PARP9: variants seen among roughly 807,000 people sequenced by gnomAD.
PARP9 encodes the protein protein mono-ADP-ribosyltransferase PARP9.
PARP9 carries 48 observed loss-of-function variants against 68.8 expected under a neutral mutation model. The observed-to-expected ratio is 0.70, with a 90% CI of 0.55 to 0.89. The LOEUF is 0.89. PARP9 is among the 40% of genes least tolerant of loss of function. The pLI, the probability that PARP9 is intolerant of heterozygous loss-of-function variation, is 0.00. For missense variants in PARP9, 806 were observed against 969.3 expected, an observed-to-expected ratio of 0.83 and a Z score of 2.24; for synonymous variants, 309 against 333.8, an observed-to-expected ratio of 0.93 and a Z score of 0.81.
intron 10 of PARP9, chr3:122,534,499 G>T: frequency 1.1e-6 from 1 of 921,558 alleles, no homozygotes; most frequent in Non-Finnish European, 1.3e-6. Context: ...CTTTCAACAT[G>T]AGAGTTTTCA....
chr3:122,560,404 T>A (rs1371634603), intron 1 of PARP9, among the ~76,000 whole-genome samples: 1 of 151,584 alleles, frequency 6.6e-6, no homozygotes, highest in African/African-American at 2.4e-5. Context: ...GTTTTTTTGT[T>A]TTTTGAGTTG....
At chr3:122,563,551 A>C (rs2080416767) in intron 1 of PARP9, among the ~76,000 whole-genome samples, 1 of 152,172 alleles carries the variant, frequency 6.6e-6, no homozygotes, top group Non-Finnish European at 1.5e-5. Context: ...TTTAGAATGA[A>C]CCTACTGGCT....
chr3:122,536,237 G>A lies in PARP9; in HGVS notation c.2011C>T (p.Gln671Ter), dbSNP rs963491877. The A allele has an allele frequency of 3.7e-6, 6 of 1,614,040 alleles. No individual in the cohort carries two copies. The African/African-American group carries it at 8.0e-5, about 22-fold the overall frequency. The change falls in exon 10 of 11, where the codon CAA (glutamine) becomes TAA (stop). Residue 671 changes from glutamine to a stop codon, truncating the protein, a stop_gained. Transcript: ENST00000682323. LOFTEE classifies it high-confidence loss of function. ...RQPVSHRLFQ[Q>*]VPYQFCNVVC... Reference sequence around the variant, plus strand: ...ACATTGCAGAACTGGTATGGGACTTGCTGAAACAGCCTATGGCTCACAGGT... The same window carrying A: ...ACATTGCAGAACTGGTATGGGACTTACTGAAACAGCCTATGGCTCACAGGT...
chr3:122,562,482 C>G (rs563669703), intron 1 of PARP9, among the ~76,000 whole-genome samples: 2 of 151,918 alleles, frequency 1.3e-5, no homozygotes, highest in Admixed American at 1.3e-4. Flanking sequence ...CGTGAGCCAC[C>G]GCGCCCAGCC....
At chr3:122,531,510 C>G (rs1241460251) in intron 10 of PARP9, among the ~76,000 whole-genome samples, 1 of 152,206 alleles carries the variant, frequency 6.6e-6, no homozygotes, top group Admixed American at 6.5e-5. Flanking sequence ...GTAATCCCAG[C>G]ACTTCGGGAG....
chr3:122,531,979 G>A (rs963272332), intron 10 of PARP9: 1 of 247,710 alleles, frequency 4.0e-6, no homozygotes. Context: ...CCACTCCCTT[G>A]AGAGCCCTGG....
Position 122,536,226 on chromosome 3 carries a change from G to A in PARP9, c.2022C>T (p.Tyr674=). The A allele has an allele frequency of 6.2e-7, 1 of 1,614,172 alleles. No homozygotes were observed. The highest frequency in any genetic ancestry group is 8.5e-7 in the Non-Finnish European group (1 of 1,180,026). The change falls in exon 10 of 11, where the codon TAC becomes TAT. Residue 674 remains tyrosine (Y), a synonymous_variant. Coordinates refer to ENST00000682323, the MANE Select transcript of PARP9 (RefSeq NM_001146105.2). ...VSHRLFQQVP[Y]QFCNVVCRVG... ...CTCTGCATACCACATTGCAGAACTGGTATGGGACTTGCTGAAACAGCCTAT... is the reference window on the plus strand; with the variant it reads ...CTCTGCATACCACATTGCAGAACTGATATGGGACTTGCTGAAACAGCCTAT...
At position 122,547,016 on chromosome 3, in the gene PARP9, A is replaced by G. The variant is rs7653866; in HGVS notation, c.1327-1527T>C. 3.0e-5 allele frequency among the ~76,000 whole-genome samples: 2 copies of G among 66,052 alleles called. 1 individual carries two copies. The highest frequency in any genetic ancestry group is 7.5e-5 in the Non-Finnish European group (2 of 26,714). 43.3% of individuals were successfully genotyped at this position (66,052 alleles called of 152,430 possible). On this transcript the variant is annotated intron_variant, in intron 6 of 10. Transcript: ENST00000682323. Reference sequence around the variant, plus strand: ...TATATATATATATATATATATATACACACACACACATACACACACATATAC... The same window carrying G: ...TATATATATATATATATATATATACGCACACACACATACACACACATATAC...
intron 2 of PARP9, among the ~76,000 whole-genome samples, chr3:122,558,791 G>C (rs973870313): frequency 1.3e-5 from 2 of 152,160 alleles, no homozygotes; most frequent in Non-Finnish European, 2.9e-5. Context: ...GTTCACTGCA[G>C]CCTTGAACTC....
intron 6 of PARP9, 126 bp downstream of exon 6, chr3:122,550,458 C>T (rs1489933913): frequency 1.3e-6 from 1 of 754,388 alleles, no homozygotes; most frequent in African/African-American, 1.8e-5. Context: ...CAAGTTAGAA[C>T]ACCACCACAC....
chr3:122,564,551 C>T (rs776855757), upstream of PARP9: 12 of 1,610,022 alleles, frequency 7.5e-6, no homozygotes, highest in Admixed American at 8.4e-5. Context: ...GGGGAGTGCA[C>T]GGTCAGCACC....
In PARP9 at chr3:122,543,117, G is replaced by A. The variant is rs548264529; in HGVS notation, c.1385-2265C>T. 6.6e-5 allele frequency among the ~76,000 whole-genome samples: 10 copies of A among 151,734 alleles called. No individual in the cohort carries two copies. In the East Asian group the frequency reaches 1.8e-3, roughly 27 times the overall value. On this transcript the variant is annotated intron_variant, in intron 7 of 10. Coordinates refer to ENST00000682323, the MANE Select transcript of PARP9 (RefSeq NM_001146105.2). ...GTAGAGATAAGGTTTCACCATGTTG[G>A]CCAAACTGGTCTCGAACTCCTGACC...
intron 10 of PARP9, among the ~76,000 whole-genome samples, chr3:122,530,497 C>T (rs908761858): frequency 2.0e-5 from 3 of 152,092 alleles, no homozygotes; most frequent in Non-Finnish European, 4.4e-5. Context: ...TCCATTCTGA[C>T]ACATTGCCTG....
chr3:122,560,315 A>C (rs935877223), intron 1 of PARP9, among the ~76,000 whole-genome samples: 3 of 152,220 alleles, frequency 2.0e-5, no homozygotes, highest in Admixed American at 2.0e-4. Context: ...CTGATGATGA[A>C]AATGCTTAAA....
intron 1 of PARP9, among the ~76,000 whole-genome samples, chr3:122,563,499 T>C (rs2080411797): frequency 6.6e-6 from 1 of 152,224 alleles, no homozygotes; most frequent in Non-Finnish European, 1.5e-5. Flanking sequence ...AAAATTAATT[T>C]CATCTGTTTC....
rs781495227 is a variant in PARP9, at chr3:122,555,345, C to A, written c.826G>T (p.Ala276Ser). The A allele has an allele frequency of 3.3e-5, 54 of 1,614,082 alleles. No homozygotes were observed. The highest frequency in any genetic ancestry group is 4.6e-5 in the Non-Finnish European group (54 of 1,179,974). ...AGGGTCAGGTTGTTCACGACCATTG[C>A]ATTGAAAGAAGGGGTGGTTTCTTGT... is the stretch of plus-strand genomic sequence containing the variant. ...LGQETTPSFNAMVVNNLTLQI... is the reference protein window; with the variant it reads ...LGQETTPSFNSMVVNNLTLQI... Residue 276 changes from alanine (A) to serine (S), a missense_variant, in exon 4 of 11, where the codon GCA becomes TCA. Physicochemically the swap from Ala to Ser is moderately conservative, Grantham distance 99 (BLOSUM62 1). Transcript: ENST00000682323.
intron 5 of PARP9, 151 bp from the exon 6 acceptor site, chr3:122,550,953 C>G: frequency 1.5e-6 from 1 of 670,122 alleles, no homozygotes; most frequent in Non-Finnish European, 2.6e-6. Flanking sequence ...AGGTCCCACT[C>G]CAGAGGGAAC....
intron 1 of PARP9, among the ~76,000 whole-genome samples, chr3:122,562,362 T>C (rs1475889929): frequency 7.9e-5 from 12 of 151,326 alleles, no homozygotes; most frequent in Non-Finnish European, 1.2e-4. Flanking sequence ...TTTTTTTTTT[T>C]TGTATTTTTT....
At chr3:122,560,370 A>G (rs1045627772) in intron 1 of PARP9, among the ~76,000 whole-genome samples, 1 of 151,720 alleles carries the variant, frequency 6.6e-6, no homozygotes, top group Non-Finnish European at 1.5e-5. Context: ...CCTCGAAATG[A>G]TTTCTTTGTT....
Sources: allele counts gnomAD v4.1 joint callset (sites outside exome capture counted in the v4.1 genomes callset), GRCh38; gene constraint gnomAD v4.1.1; transcripts MANE v1.5; gene names NCBI Gene and HGNC (gene_info 2026-07-23, HGNC 2026-07-21).